The following C7orf25 variants were observed in gnomAD, a reference collection of about 807,000 sequenced individuals.
C7orf25 encodes the protein chromosome 7 open reading frame 25, also known as UPF0415 protein C7orf25.
A neutral mutation model predicts 25.5 loss-of-function variants in C7orf25; 14 were observed. That is an observed-to-expected ratio of 0.55 (90% CI 0.36 to 0.86). The LOEUF is 0.86. Ranked by LOEUF, C7orf25 falls within the 40% of genes least tolerant of loss-of-function variation. The pLI is 0.01. For missense variants in C7orf25, 405 were observed against 493.9 expected (o/e 0.82, Z 1.71); for synonymous variants, 184 against 179.9 (o/e 1.02, Z -0.18).
At chr7:42,911,217 G>T (rs1041417578) in intron 1 of C7orf25, 1 of 600,782 alleles carries the variant, frequency 1.7e-6, no homozygotes, top group Non-Finnish European at 2.7e-6. Context: ...CAATGCAAGA[G>T]TTGGGCAATC....
chr7:42,911,660 G>C (rs1370165498), intron 1 of C7orf25: 1 of 1,117,530 alleles, frequency 8.9e-7, no homozygotes. Flanking sequence ...TCGCCGGGTG[G>C]GCGGGCCAGA....
At position 42,910,331 on chromosome 7, in the gene C7orf25, T is replaced by A; in HGVS notation, c.570A>T (p.Gly190=). 6.2e-7 allele frequency: 1 copy of A among 1,614,218 alleles called. No homozygotes were observed. The stretch of plus-strand genomic sequence containing the variant: ...ACAGAGCGTTGACTGCTACTATGTC[T>A]CCTCTCACAGATATGCCCATTTCTT... ...KLKEMGISVR[G]DIVAVNALLD... The change falls in exon 2 of 2, where the codon GGA becomes GGT. Residue 190 remains glycine, a synonymous_variant. Transcript: ENST00000350427.
At chr7:42,911,673 C>G in intron 1 of C7orf25, 1 of 1,132,352 alleles carries the variant, frequency 8.8e-7, no homozygotes. Flanking sequence ...GGGCCAGAGG[C>G]CGGCGGGGCC....
At chr7:42,911,265 T>C in intron 1 of C7orf25, 2 of 668,306 alleles carry the variant, frequency 3.0e-6, no homozygotes, top group Non-Finnish European at 2.2e-6. Flanking sequence ...ATCAGCGGCC[T>C]GTTTAACTGC....
Position 42,911,973 on chromosome 7 carries a change from C to G in C7orf25, c.-80G>C. 2.0e-6 allele frequency: 3 copies of G among 1,496,748 alleles called. No homozygotes were observed. Among genetic ancestry groups the G allele is most frequent in the Non-Finnish European group, 2.7e-6 (3 of 1,131,300 alleles). 92.7% of individuals were successfully genotyped at this position (1,496,748 alleles called of 1,614,324 possible). On this transcript the variant is annotated 5_prime_UTR_variant, in exon 1 of 2. Coordinates refer to ENST00000350427, the MANE Select transcript of C7orf25 (RefSeq NM_001099858.2). Reference sequence around the variant, plus strand: ...GGCGCGTGCACGCAGAGGCCGGGACCCGCCGGGAAATCTCAACCGGGCAGC... The same window carrying G: ...GGCGCGTGCACGCAGAGGCCGGGACGCGCCGGGAAATCTCAACCGGGCAGC...
Position 42,909,579 on chromosome 7 carries a change from A to T in C7orf25, c.*56T>A, listed in dbSNP as rs1785830994. 3 of 1,537,478 alleles carry T rather than the reference A, an allele frequency of 2.0e-6. No individual in the cohort carries two copies. The East Asian group carries it at 6.8e-5, about 35-fold the overall frequency. On this transcript the variant is annotated 3_prime_UTR_variant, in exon 2 of 2. Transcript: ENST00000350427. Reference sequence around the variant, plus strand: ...TTTTTTCCCACCAGTTTAGATGGGAAGACCCAGCCTTTGGTATAAATAACT... The same window carrying T: ...TTTTTTCCCACCAGTTTAGATGGGATGACCCAGCCTTTGGTATAAATAACT...
chr7:42,911,306 C>T (rs644106), intron 1 of C7orf25: 926,065 of 1,066,860 alleles, frequency 0.87, 402,423 homozygotes, highest in South Asian at 0.91. Flanking sequence ...GACAAAAATG[C>T]CGAAAACAAA....
chr7:42,911,991 C>T lies in C7orf25; in HGVS notation c.-98G>A, dbSNP rs1251218686. 40 of 1,494,552 alleles carry T rather than the reference C, an allele frequency of 2.7e-5. No homozygotes were observed. Among genetic ancestry groups the T allele is most frequent in the Non-Finnish European group, 2.6e-5 (29 of 1,130,224 alleles). 92.6% of individuals were successfully genotyped at this position (1,494,552 alleles called of 1,614,324 possible). A position where few individuals can be genotyped will look rare whatever the true frequency, so the allele number is the denominator to read the frequency against. ...CCGGGACCCGCCGGGAAATCTCAAC[C>T]GGGCAGCCCCCACCCCGCTCGAACG... is the stretch of plus-strand genomic sequence containing the variant. On this transcript the variant is annotated 5_prime_UTR_variant, in exon 1 of 2. Transcript: ENST00000350427.
chr7:42,909,694 T>A lies in C7orf25; in HGVS notation c.1207A>T (p.Ser403Cys). ...AAGGGGGTGGCTAGAGCCTCTTTAC[T>A]CTCAGTAAGTGCTCTGGGCTGATGG... ...FIHQPRALTE[S>C]KEALATPLPK... The change falls in exon 2 of 2, where the codon AGT (serine) becomes TGT (cysteine). Residue 403 changes from serine to cysteine, a missense_variant. By Grantham distance (112) the Ser-to-Cys change is moderately radical (BLOSUM62 -1). Transcript: ENST00000350427. 1 of 1,614,206 alleles carries A rather than the reference T, an allele frequency of 6.2e-7. No homozygotes were observed. Among genetic ancestry groups the A allele is most frequent in the South Asian group, 1.1e-5 (1 of 91,082 alleles).
Position 42,910,940 on chromosome 7 carries a change from C to T in C7orf25, c.-21-19G>A. 1 of 1,607,850 alleles carries T rather than the reference C, an allele frequency of 6.2e-7. No homozygotes were observed. Among genetic ancestry groups the T allele is most frequent in the Non-Finnish European group, 8.5e-7 (1 of 1,179,318 alleles). On this transcript the variant is annotated intron_variant, in intron 1 of 1. Coordinates refer to ENST00000350427, the MANE Select transcript of C7orf25 (RefSeq NM_001099858.2). Reference sequence around the variant, plus strand: ...TCCTTTCCTAGGGAAAGAAACAAGGCAAACTTCAGTAGTCTCCTAAAATTA... The same window carrying T: ...TCCTTTCCTAGGGAAAGAAACAAGGTAAACTTCAGTAGTCTCCTAAAATTA...
chr7:42,911,648 G>C, intron 1 of C7orf25: 2 of 1,104,342 alleles, frequency 1.8e-6, no homozygotes, highest in Non-Finnish European at 2.2e-6. Context: ...CCCCAGCGCA[G>C]GTCGCCGGGT....
intron 1 of C7orf25, chr7:42,911,293 G>C: frequency 1.1e-6 from 1 of 924,268 alleles, no homozygotes; most frequent in South Asian, 1.8e-5. Flanking sequence ...TTTTAATAAA[G>C]GCGACAAAAA....
intron 1 of C7orf25, 168 bp from the exon 2 acceptor site, chr7:42,911,089 A>C (rs1391578573): frequency 1.7e-6 from 2 of 1,151,226 alleles, no homozygotes; most frequent in Non-Finnish European, 2.5e-6. Context: ...TCTGATAGCT[A>C]AGGAAAGGAT....
chr7:42,909,521 TAA>T lies in C7orf25; in HGVS notation c.*112_*113del. Reference sequence around the variant, plus strand: ...GAGAGACAAAGAAACTCTACTGGTTTAAGAGTTCTCAGTTTTACTTTTACTAT... The same window carrying T: ...GAGAGACAAAGAAACTCTACTGGTTTGAGTTCTCAGTTTTACTTTTACTAT... On this transcript the variant is annotated 3_prime_UTR_variant, in exon 2 of 2. Coordinates refer to ENST00000350427, the MANE Select transcript of C7orf25 (RefSeq NM_001099858.2). The T allele has an allele frequency of 9.0e-7, 1 of 1,111,374 alleles. No individual in the cohort carries two copies. Among genetic ancestry groups the T allele is most frequent in the East Asian group, 2.5e-5 (1 of 40,032 alleles). The allele number at this position is 1,111,374 out of a possible 1,614,324, so 68.8% of individuals were successfully genotyped here.
In C7orf25 at chr7:42,910,207, C is replaced by A. The variant is rs754045260; in HGVS notation, c.694G>T (p.Ala232Ser). The A allele has an allele frequency of 3.1e-6, 5 of 1,614,188 alleles. No individual in the cohort carries two copies. Among genetic ancestry groups the A allele is most frequent in the Admixed American group, 3.3e-5 (2 of 60,016 alleles). Residue 232 changes from alanine (A) to serine (S), a missense_variant, in exon 2 of 2, where the codon GCA becomes TCA. Ala to Ser is a moderately conservative substitution (Grantham distance 99). Coordinates refer to ENST00000350427, the MANE Select transcript of C7orf25 (RefSeq NM_001099858.2). Reference protein sequence around the residue: ...VTRVDRENILASVAFPTEIKV... With the variant: ...VTRVDRENILSSVAFPTEIKV... The stretch of plus-strand genomic sequence containing the variant: ...ATTTCTGTTGGAAACGCAACACTTG[C>A]TAGTATATTTTCTCGGTCAACTCTG...
Position 42,911,945 on chromosome 7 carries a change from G to A in C7orf25, c.-52C>T. 4 of 1,485,566 alleles carry A rather than the reference G, an allele frequency of 2.7e-6. No individual in the cohort carries two copies. Among genetic ancestry groups the A allele is most frequent in the Non-Finnish European group, 1.8e-6 (2 of 1,125,434 alleles). 92.0% of individuals were successfully genotyped at this position (1,485,566 alleles called of 1,614,324 possible). A position where few individuals can be genotyped will look rare whatever the true frequency, so the allele number is the denominator to read the frequency against. On this transcript the variant is annotated 5_prime_UTR_variant, in exon 1 of 2. Transcript: ENST00000350427. The stretch of plus-strand genomic sequence containing the variant: ...GCGCCAGAACCGCGAGCGCGAGCAC[G>A]CAGGCGCGTGCACGCAGAGGCCGGG...
Position 42,909,562 on chromosome 7 carries a change from C to T in C7orf25, c.*73G>A. ...TACTTTTACTATAGACCTTTTTTCC[C>T]ACCAGTTTAGATGGGAAGACCCAGC... On this transcript the variant is annotated 3_prime_UTR_variant, in exon 2 of 2. Coordinates refer to ENST00000350427, the MANE Select transcript of C7orf25 (RefSeq NM_001099858.2). 6.7e-7 allele frequency: 1 copy of T among 1,491,620 alleles called. No homozygotes were observed. Among genetic ancestry groups the T allele is most frequent in the Non-Finnish European group, 9.0e-7 (1 of 1,112,428 alleles). 92.4% of individuals were successfully genotyped at this position (1,491,620 alleles called of 1,614,324 possible).
chr7:42,911,506 C>T (rs1785894897), intron 1 of C7orf25: 1 of 1,000,728 alleles, frequency 1.0e-6, no homozygotes, highest in Non-Finnish European at 1.2e-6. Flanking sequence ...CTGCATTTGA[C>T]GTCAACCCAG....
Position 42,912,037 on chromosome 7 carries a change from C to G in C7orf25, c.-144G>C, listed in dbSNP as rs772572836. ...GAACGCCGAGGCGGCTCCACCCGCG[C>G]GAGCCCCGCCGCCTCGGGCACCTCC... On this transcript the variant is annotated 5_prime_UTR_variant, in exon 1 of 2. Transcript: ENST00000350427. 3.4e-6 allele frequency: 5 copies of G among 1,469,150 alleles called. No individual in the cohort carries two copies. Among genetic ancestry groups the G allele is most frequent in the Non-Finnish European group, 4.5e-6 (5 of 1,118,556 alleles). 91.0% of individuals were successfully genotyped at this position (1,469,150 alleles called of 1,614,324 possible).
Sources: allele counts gnomAD v4.1 joint callset, GRCh38; gene constraint gnomAD v4.1.1; transcripts MANE v1.5; gene names NCBI Gene and HGNC (gene_info 2026-07-23, HGNC 2026-07-21).